The following NR3C1 variants were observed in gnomAD, a reference collection of about 807,000 sequenced individuals.
NR3C1 encodes nuclear receptor subfamily 3 group C member 1.
A neutral mutation model predicts 74.0 loss-of-function variants in NR3C1; 14 were observed. The observed-to-expected ratio is 0.19, with a 90% CI of 0.12 to 0.30. The LOEUF (loss-of-function observed/expected upper bound fraction) is 0.30. Among genes scored for constraint, NR3C1 ranks in the 10% least tolerant of loss-of-function variants. NR3C1 has a pLI of 1.00. For missense variants in NR3C1, 695 were observed against 909.8 expected, an observed-to-expected ratio of 0.76 and a Z score of 3.04; for synonymous variants, 308 against 332.5, an observed-to-expected ratio of 0.93 and a Z score of 0.80.
At chr5:143,297,714 T>C (rs1005420860) in intron 6 of NR3C1, among the ~76,000 whole-genome samples, 1 of 152,142 alleles carries the variant, frequency 6.6e-6, no homozygotes, top group African/African-American at 2.4e-5. Context: ...CTAATAGCAA[T>C]AAGCTAGGGG....
chr5:143,295,398 C>G, intron 7 of NR3C1, 62 bp downstream of exon 7: 1 of 1,596,100 alleles, frequency 6.3e-7, no homozygotes, highest in Non-Finnish European at 8.5e-7. Flanking sequence ...ATAAATTAAC[C>G]TTTGTTTCTA....
intron 1 of NR3C1, among the ~76,000 whole-genome samples, chr5:143,401,919 G>T (rs191243552): frequency 6.6e-6 from 1 of 152,334 alleles, no homozygotes; most frequent in East Asian, 1.9e-4. Flanking sequence ...AAGAGAGTAA[G>T]ACTGTTAGTA....
At chr5:143,360,580 C>T (rs1036562476) in intron 2 of NR3C1, among the ~76,000 whole-genome samples, 2 of 152,080 alleles carry the variant, frequency 1.3e-5, no homozygotes, top group East Asian at 1.9e-4. Context: ...TTAACTTAAG[C>T]CTAATCTAAA....
At chr5:143,288,579 C>G (rs1815111199) in intron 7 of NR3C1, among the ~76,000 whole-genome samples, 1 of 151,892 alleles carries the variant, frequency 6.6e-6, no homozygotes. Context: ...CAGCCTTGAC[C>G]TCCCTCCTCA....
At chr5:143,361,319 AAATT>A in intron 2 of NR3C1, among the ~76,000 whole-genome samples, 1 of 152,220 alleles carries the variant, frequency 6.6e-6, no homozygotes, top group East Asian at 1.9e-4. Context: ...AGGAAATAAA[AAATT>A]AATTGCCAGA....
chr5:143,397,924 T>C (rs910823598), intron 2 of NR3C1, among the ~76,000 whole-genome samples: 2 of 151,942 alleles, frequency 1.3e-5, no homozygotes, highest in African/African-American at 4.8e-5. Context: ...GTTTTGTCCC[T>C]TGCCTTTTCT....
chr5:143,347,012 G>C (rs1829415047), intron 2 of NR3C1, among the ~76,000 whole-genome samples: 1 of 152,174 alleles, frequency 6.6e-6, no homozygotes, highest in South Asian at 2.1e-4. Flanking sequence ...CACTGTAAAG[G>C]AAATCCCTTT....
intron 4 of NR3C1, among the ~76,000 whole-genome samples, chr5:143,309,073 CTTT>C (rs397830399): frequency 1.5e-5 from 2 of 134,418 alleles, no homozygotes; most frequent in East Asian, 2.1e-4. Flanking sequence ...TTTCAGGTTT[CTTT>C]TTTTTTTTTT....
upstream of NR3C1, chr5:143,403,786 T>C (rs145933110): frequency 7.1e-6 from 7 of 980,486 alleles, no homozygotes; most frequent in South Asian, 4.7e-5. Context: ...CGATGCAACC[T>C]GTTGGTGACG....
intron 7 of NR3C1, among the ~76,000 whole-genome samples, chr5:143,285,434 C>T (rs1240804664): frequency 6.6e-6 from 1 of 152,156 alleles, no homozygotes; most frequent in Admixed American, 6.6e-5. Context: ...ATAAACAAGA[C>T]TTAAATTTGA....
intron 2 of NR3C1, chr5:143,332,679 C>T (rs560709352): frequency 4.6e-5 from 72 of 1,578,674 alleles, no homozygotes; most frequent in East Asian, 8.9e-5. Flanking sequence ...TGATTCCTGG[C>T]GGCAGAAACG....
At chr5:143,346,072 T>G (rs1351477420) in intron 2 of NR3C1, among the ~76,000 whole-genome samples, 1 of 152,208 alleles carries the variant, frequency 6.6e-6, no homozygotes, top group Non-Finnish European at 1.5e-5. Flanking sequence ...TGTTATGACT[T>G]TCATAAACAG....
At chr5:143,286,242 C>T (rs1203390781) in intron 7 of NR3C1, among the ~76,000 whole-genome samples, 1 of 152,052 alleles carries the variant, frequency 6.6e-6, no homozygotes, top group African/African-American at 2.4e-5. Context: ...CCAAACAAAC[C>T]AAGACAGCTT....
chr5:143,319,752 T>A (rs1025690536), intron 2 of NR3C1, among the ~76,000 whole-genome samples: 5 of 151,402 alleles, frequency 3.3e-5, no homozygotes, highest in African/African-American at 1.2e-4. Flanking sequence ...TCAATAATGC[T>A]GAGGATGAGA....
At chr5:143,427,651 C>T (rs1475038340) in intron 1 of NR3C1, among the ~76,000 whole-genome samples, 2 of 152,178 alleles carry the variant, frequency 1.3e-5, no homozygotes, top group Non-Finnish European at 2.9e-5. Context: ...AACCTGATAA[C>T]ATTAAAATCA....
At chr5:143,289,013 G>A (rs548372313) in intron 7 of NR3C1, among the ~76,000 whole-genome samples, 16 of 144,390 alleles carry the variant, frequency 1.1e-4, no homozygotes, top group East Asian at 6.2e-4. Context: ...CTGAGGCTGC[G>A]ATGAGCCAAG....
chr5:143,390,591 G>A (rs1236404832), intron 2 of NR3C1, among the ~76,000 whole-genome samples: 1 of 152,054 alleles, frequency 6.6e-6, no homozygotes, highest in African/African-American at 2.4e-5. Flanking sequence ...GCCAAGAAGA[G>A]GGAATATATA....
chr5:143,289,529 C>A (rs1164230894), intron 7 of NR3C1, among the ~76,000 whole-genome samples: 3 of 152,168 alleles, frequency 2.0e-5, no homozygotes, highest in Admixed American at 6.5e-5. Flanking sequence ...TCTTAGTAAA[C>A]AAAGACACGA....
intron 2 of NR3C1, among the ~76,000 whole-genome samples, chr5:143,354,814 T>C (rs1203731989): frequency 6.7e-6 from 1 of 148,706 alleles, no homozygotes; most frequent in Non-Finnish European, 1.5e-5. Flanking sequence ...GCCCGGCTAC[T>C]GGGGAGGCTG....
Sources: allele counts gnomAD v4.1 joint callset (sites outside exome capture counted in the v4.1 genomes callset), GRCh38; gene constraint gnomAD v4.1.1; transcripts MANE v1.5; gene names NCBI Gene and HGNC (gene_info 2026-07-23, HGNC 2026-07-21).